The following KCTD1 variants were observed in gnomAD, a reference collection of about 807,000 sequenced individuals.
The protein encoded by KCTD1 is BTB/POZ domain-containing protein KCTD1.
Under a neutral mutation model 66.0 loss-of-function variants are expected in KCTD1, and 24 were observed. That is an observed-to-expected ratio of 0.36 (90% CI 0.26 to 0.51). The LOEUF (loss-of-function observed/expected upper bound fraction) is 0.51, where lower values mean the gene tolerates loss of function less well. Ranked by LOEUF, KCTD1 falls within the 20% of genes least tolerant of loss-of-function variation. The probability of loss-of-function intolerance (pLI) is 0.95; values close to 1 mark genes in which losing one functional copy is unlikely to be tolerated. For missense variants in KCTD1, 943 were observed against 1,205.2 expected (o/e 0.78, Z 3.22); for synonymous variants, 511 against 517.2 (o/e 0.99, Z 0.16).
At chr18:26,615,553 T>C (rs1987231128) in intron 1 of KCTD1, among the ~76,000 whole-genome samples, 1 of 152,184 alleles carries the variant, frequency 6.6e-6, no homozygotes, top group African/African-American at 2.4e-5. Flanking sequence ...ACAGGAAATA[T>C]CAAAGAAATA....
rs1192295496 is a variant in KCTD1 at position 26,547,651 on chromosome 18, T to C, written c.886A>G (p.Ser296Gly). ...RADLRKLYTS[S>G]VFSTNTPFGL... Reference sequence around the variant, plus strand: ...AAGGGCGTGTTGGTGCTGAAGACGCTGGAGGTGTACAGCTTGCGCAGGTCG... The same window carrying C: ...AAGGGCGTGTTGGTGCTGAAGACGCCGGAGGTGTACAGCTTGCGCAGGTCG... Residue 296 changes from serine (S) to glycine (G), a missense_variant, in exon 1 of 5, where the codon AGC (serine) becomes GGC (glycine). Ser to Gly is a moderately conservative substitution (Grantham distance 56). This residue lies in a region of KCTD1 where 61 missense variants were observed against 109.6 expected (regional missense o/e 0.56). Coordinates refer to ENST00000580059, the MANE Select transcript of KCTD1 (RefSeq NM_001142730.3). 1.3e-6 allele frequency: 2 copies of C among 1,551,594 alleles called. No individual in the cohort carries two copies. The highest frequency in any genetic ancestry group is 2.0e-5 in the Admixed American group (1 of 51,006).
upstream of KCTD1, chr18:26,548,761 G>C: frequency 8.9e-7 from 1 of 1,120,568 alleles, no homozygotes; most frequent in Non-Finnish European, 1.1e-6. Context: ...GGAGAGATAG[G>C]GTAAAGGACG....
intron 1 of KCTD1, among the ~76,000 whole-genome samples, chr18:26,517,714 T>C (rs1412790092): frequency 6.6e-6 from 1 of 151,554 alleles, no homozygotes; most frequent in African/African-American, 2.4e-5. Context: ...CTATCCTCTC[T>C]TGTCTGCCGC....
At chr18:26,620,370 A>C (rs56150376) in intron 1 of KCTD1, among the ~76,000 whole-genome samples, 64 of 118,472 alleles carry the variant, frequency 5.4e-4, no homozygotes, top group East Asian at 9.0e-4. Flanking sequence ...AAAAAAAAAA[A>C]AAAAAAAAAA....
At chr18:26,584,790 G>A (rs1405516299) in intron 1 of KCTD1, among the ~76,000 whole-genome samples, 2 of 152,164 alleles carry the variant, frequency 1.3e-5, no homozygotes, top group African/African-American at 2.4e-5. Flanking sequence ...CCTAGAGTAG[G>A]TGAAGTATAA....
Position 26,627,505 on chromosome 18 carries a change from T to C in KCTD1, c.-16+1642A>G, listed in dbSNP as rs1170133259. On this transcript the variant is annotated intron_variant, in intron 1 of 4. Transcript: ENST00000317932. ...ACTAAAACATCATTTTAAATGACAATATAGTTCAATTGTGCAACTAATTAT... is the reference window on the plus strand; with the variant it reads ...ACTAAAACATCATTTTAAATGACAACATAGTTCAATTGTGCAACTAATTAT... Among the ~76,000 whole-genome samples, 4 of 152,274 alleles carry C rather than the reference T, an allele frequency of 2.6e-5. No homozygotes were observed. In the South Asian group the frequency reaches 8.3e-4, roughly 32 times the overall value.
chr18:26,598,297 T>C (rs1986813460), intron 1 of KCTD1, among the ~76,000 whole-genome samples: 2 of 152,370 alleles, frequency 1.3e-5, no homozygotes, highest in South Asian at 4.1e-4. Context: ...TTTGTTTTCA[T>C]GGCTGAATAA....
At chr18:26,513,999 G>A (rs936449676) in intron 1 of KCTD1, among the ~76,000 whole-genome samples, 2 of 152,156 alleles carry the variant, frequency 1.3e-5, no homozygotes, top group Non-Finnish European at 2.9e-5. Context: ...AATAAAATAT[G>A]GTGCTTAATA....
At chr18:26,493,263 C>T (rs1391316997) in intron 2 of KCTD1, among the ~76,000 whole-genome samples, 1 of 152,118 alleles carries the variant, frequency 6.6e-6, no homozygotes, top group African/African-American at 2.4e-5. Flanking sequence ...TGCAAATGTG[C>T]GATGTCTGTG....
At chr18:26,501,391 T>C in intron 1 of KCTD1, 141 bp from the exon 2 acceptor site, 1 of 699,770 alleles carries the variant, frequency 1.4e-6, no homozygotes, top group Non-Finnish European at 2.3e-6. Context: ...CTCTTGCTTT[T>C]GTTATAATGA....
chr18:26,615,349 A>G (rs2145002443), intron 1 of KCTD1, among the ~76,000 whole-genome samples: 1 of 152,320 alleles, frequency 6.6e-6, no homozygotes, highest in East Asian at 1.9e-4. Context: ...AAGCTACTGG[A>G]GAAAAACAGC....
At chr18:26,464,600 C>T (rs967968222) in intron 3 of KCTD1, among the ~76,000 whole-genome samples, 1 of 152,232 alleles carries the variant, frequency 6.6e-6, no homozygotes, top group Admixed American at 6.5e-5. Flanking sequence ...GCTGACAGAT[C>T]CTTAACACTC....
intron 1 of KCTD1, among the ~76,000 whole-genome samples, chr18:26,514,340 G>A (rs573023913): frequency 1.3e-5 from 2 of 152,054 alleles, no homozygotes; most frequent in Non-Finnish European, 2.9e-5. Context: ...GCTGCTTGCG[G>A]CCAGGAGTTC....
intron 1 of KCTD1, among the ~76,000 whole-genome samples, chr18:26,563,220 G>A (rs1331975164): frequency 6.6e-6 from 1 of 152,188 alleles, no homozygotes; most frequent in Non-Finnish European, 1.5e-5. Context: ...CCACCCACAG[G>A]AGAGTGGGCA....
intron 1 of KCTD1, among the ~76,000 whole-genome samples, chr18:26,583,361 G>A (rs183220186): frequency 3.9e-4 from 50 of 127,030 alleles, no homozygotes; most frequent in Admixed American, 1.9e-3. Context: ...ATAATTGCAC[G>A]CCAATCTGGG....
At chr18:26,503,500 A>G (rs970953840) in intron 1 of KCTD1, among the ~76,000 whole-genome samples, 11 of 152,132 alleles carry the variant, frequency 7.2e-5, no homozygotes, top group African/African-American at 2.7e-4. Context: ...ACGGACACAC[A>G]AACACACACA....
chr18:26,603,975 C>T (rs931526185), intron 1 of KCTD1, among the ~76,000 whole-genome samples: 1 of 152,092 alleles, frequency 6.6e-6, no homozygotes, highest in African/African-American at 2.4e-5. Context: ...AAACAGACAA[C>T]CTACAGAATG....
chr18:26,609,488 G>T (rs917417836), intron 1 of KCTD1, among the ~76,000 whole-genome samples: 1 of 152,146 alleles, frequency 6.6e-6, no homozygotes, highest in East Asian at 1.9e-4. Context: ...GTCTAAAAGT[G>T]GTGTCTCAAT....
At chr18:26,471,679 T>C (rs1471905242) in intron 3 of KCTD1, among the ~76,000 whole-genome samples, 1 of 152,136 alleles carries the variant, frequency 6.6e-6, no homozygotes, top group Non-Finnish European at 1.5e-5. Context: ...ATCCTGGTTG[T>C]GATCCCAGTA....
Sources: allele counts gnomAD v4.1 joint callset (sites outside exome capture counted in the v4.1 genomes callset), GRCh38; gene constraint gnomAD v4.1.1; regional missense constraint gnomAD v4.1.1; transcripts MANE v1.5; gene names NCBI Gene and HGNC (gene_info 2026-07-23, HGNC 2026-07-21).